Variants in ACTN4 observed in about 807,000 individuals in gnomAD.
ACTN4 encodes alpha-actinin-4.
ACTN4 carries 18 observed loss-of-function variants against 114.2 expected under a neutral mutation model. The ratio of observed to expected loss-of-function variants is 0.16; its 90% CI spans 0.11 to 0.23. The LOEUF (loss-of-function observed/expected upper bound fraction) is 0.23, where lower values mean the gene tolerates loss of function less well. ACTN4 is among the 10% of genes least tolerant of loss of function. The pLI is 1.00. For missense variants in ACTN4, 722 were observed against 1,262.9 expected, an observed-to-expected ratio of 0.57 and a Z score of 6.49; for synonymous variants, 515 against 506.3, an observed-to-expected ratio of 1.02 and a Z score of -0.23.
chr19:38,723,317 C>T (rs902753023), intron 12 of ACTN4, among the ~76,000 whole-genome samples: 3 of 152,174 alleles, frequency 2.0e-5, no homozygotes, highest in East Asian at 3.9e-4. Flanking sequence ...GGGCCACACT[C>T]TTAGCTGATA....
At chr19:38,704,443 C>G (rs3786845) in intron 3 of ACTN4, among the ~76,000 whole-genome samples, 59,927 of 152,136 alleles carry the variant, frequency 0.39, 12,658 homozygotes, top group Non-Finnish European at 0.47. Context: ...AGGAAGTGGA[C>G]AGATTCACAA....
Position 38,704,848 on chromosome 19 carries a change from G to GCTC in ACTN4, c.398-84_398-83insCCT, listed in dbSNP as rs142384229. The GCTC allele has an allele frequency of 1.1e-3, 1,386 of 1,255,836 alleles. 16 individuals are homozygous for GCTC. In the African/African-American group the frequency reaches 0.018, roughly 17 times the overall value. The allele number at this position is 1,255,836 out of a possible 1,614,324, so 77.8% of individuals were successfully genotyped here. A position where few individuals can be genotyped will look rare whatever the true frequency, so the allele number is the denominator to read the frequency against. ...GGTTTGGAGCCTTTCTCTAGATGGG[G>GCTC]CTGGAAGGCCACCTTCAGGTTGGGC... On this transcript the variant is annotated intron_variant, in intron 3 of 20. Coordinates refer to ENST00000252699, the MANE Select transcript of ACTN4 (RefSeq NM_004924.6).
rs774421189 is a variant in ACTN4, at chr19:38,724,871, G to A, written c.2010+306G>A. 6.6e-6 allele frequency among the ~76,000 whole-genome samples: 1 copy of A among 152,194 alleles called. No homozygotes were observed. The highest frequency in any genetic ancestry group is 2.4e-5 in the African/African-American group (1 of 41,450). On this transcript the variant is annotated intron_variant, in intron 16 of 20. Transcript: ENST00000252699. This position sits in a 1 kb window ranked among gnomAD's most constrained non-coding sequence, Gnocchi z 7.0. ...ATACAAAAATTAGCTGGGCATGATG[G>A]TGCGCAGCCCAAGGAGGTCGAGGCT... is the stretch of plus-strand genomic sequence containing the variant.
At chr19:38,668,682 C>T (rs1343995406) in intron 1 of ACTN4, among the ~76,000 whole-genome samples, 1 of 150,770 alleles carries the variant, frequency 6.6e-6, no homozygotes, top group Admixed American at 6.6e-5. Flanking sequence ...GAGACTCCAT[C>T]GCAAAAAAAG....
chr19:38,649,225 G>C (rs112281968), intron 1 of ACTN4, among the ~76,000 whole-genome samples: 231 of 144,864 alleles, frequency 1.6e-3, no homozygotes, highest in African/African-American at 5.6e-3. Context: ...GCAGTGAAAA[G>C]GTGATCAGAA....
chr19:38,673,528 CATATATACTTATATATATTT>C (rs1568689710), intron 1 of ACTN4, among the ~76,000 whole-genome samples: 28 of 63,204 alleles, frequency 4.4e-4, no homozygotes, highest in Admixed American at 5.3e-4. Context: ...TATATATATT[CATATATACTTATATATATTT>C]ATATATACTT....
intron 1 of ACTN4, among the ~76,000 whole-genome samples, chr19:38,656,100 C>A (rs978548049): frequency 6.6e-6 from 1 of 151,994 alleles, no homozygotes; most frequent in Non-Finnish European, 1.5e-5. Flanking sequence ...TTTTTTCTTT[C>A]TTCGTTTTTC....
intron 1 of ACTN4, among the ~76,000 whole-genome samples, chr19:38,698,353 C>T (rs1296265352): frequency 3.3e-5 from 5 of 152,126 alleles, no homozygotes; most frequent in Admixed American, 3.3e-4. Flanking sequence ...AGCATGGTTC[C>T]CGCCCTGGGC....
chr19:38,697,308 T>A (rs1034764251), intron 1 of ACTN4, among the ~76,000 whole-genome samples: 1 of 152,176 alleles, frequency 6.6e-6, no homozygotes, highest in African/African-American at 2.4e-5. Flanking sequence ...CAGTGGGTGG[T>A]CTGAGAGCCT....
chr19:38,673,651 ATATTTATATAT>A lies in ACTN4; in HGVS notation c.162+25745_162+25755del, dbSNP rs1354796374. On this transcript the variant is annotated intron_variant, in intron 1 of 20. Coordinates refer to ENST00000252699, the MANE Select transcript of ACTN4 (RefSeq NM_004924.6). Reference sequence around the variant, plus strand: ...TTCATATATATTTATATATATTTATATATTTATATATATTATATATATTTATATATTTATAT... The same window carrying A: ...TTCATATATATTTATATATATTTATAATTATATATATTTATATATTTATAT... 3.5e-4 allele frequency among the ~76,000 whole-genome samples: 28 copies of A among 79,234 alleles called. 2 individuals are homozygous for A. The East Asian group carries it at 0.01, about 29-fold the overall frequency. The allele number at this position is 79,234 out of a possible 152,430, so 52.0% of individuals were successfully genotyped here.
At chr19:38,656,491 A>G (rs920374434) in intron 1 of ACTN4, among the ~76,000 whole-genome samples, 1 of 152,240 alleles carries the variant, frequency 6.6e-6, no homozygotes, top group African/African-American at 2.4e-5. Flanking sequence ...AAAGGAAAGC[A>G]GTGCCCTCCT....
In ACTN4 at chr19:38,647,789, C is replaced by G; in HGVS notation, c.44C>G (p.Pro15Arg). The change falls in exon 1 of 21, where the codon CCC (proline) becomes CGC (arginine). Residue 15 changes from proline (P) to arginine (R), a missense_variant. Pro to Arg is a moderately radical substitution (Grantham distance 103). This residue lies in a region of ACTN4 where 72 missense variants were observed against 75.6 expected (regional missense o/e 0.95). Transcript: ENST00000252699. ...GCGAACCAGTCGTACCAGTACGGCC[C>G]CAGCAGCGCGGGCAATGGCGCTGGC... is the stretch of plus-strand genomic sequence containing the variant. ...HAANQSYQYG[P>R]SSAGNGAGGG... is the part of the protein sequence containing the mutation. 1 of 1,555,600 alleles carries G rather than the reference C, an allele frequency of 6.4e-7. No individual in the cohort carries two copies. The highest frequency in any genetic ancestry group is 1.2e-5 in the South Asian group (1 of 84,522).
Position 38,647,654 on chromosome 19 carries a change from A to AAGCG in ACTN4, c.-92_-91insAGCG. 8 of 1,455,600 alleles carry AAGCG rather than the reference A, an allele frequency of 5.5e-6. No individual in the cohort carries two copies. The highest frequency in any genetic ancestry group is 7.3e-6 in the Non-Finnish European group (8 of 1,099,724). 90.2% of individuals were successfully genotyped at this position (1,455,600 alleles called of 1,614,324 possible). A position where few individuals can be genotyped will look rare whatever the true frequency, so the allele number is the denominator to read the frequency against. ...GCGCGGGCGGAGGGCGGGCTGAAGCAGCTGAAGCGGCGGTAGCGGCGGCGG... is the reference window on the plus strand; with the variant it reads ...GCGCGGGCGGAGGGCGGGCTGAAGCAAGCGGCTGAAGCGGCGGTAGCGGCGGCGG... On this transcript the variant is annotated 5_prime_UTR_variant, in exon 1 of 21. Coordinates refer to ENST00000252699, the MANE Select transcript of ACTN4 (RefSeq NM_004924.6).
intron 1 of ACTN4, among the ~76,000 whole-genome samples, chr19:38,688,486 G>A (rs963455595): frequency 3.3e-5 from 5 of 150,950 alleles, no homozygotes; most frequent in African/African-American, 9.8e-5. Flanking sequence ...TGGGAGAATC[G>A]CTTGAACCTG....
intron 9 of ACTN4, among the ~76,000 whole-genome samples, chr19:38,715,374 G>A (rs1599843605): frequency 6.6e-6 from 1 of 152,284 alleles, no homozygotes; most frequent in Non-Finnish European, 1.5e-5. Flanking sequence ...GCACACACCT[G>A]TAGTCCCAGC....
intron 5 of ACTN4, 55 bp from the exon 6 acceptor site, chr19:38,708,062 G>T (rs1968518985): frequency 1.3e-6 from 2 of 1,559,568 alleles, no homozygotes; most frequent in Non-Finnish European, 1.8e-6. Flanking sequence ...GGGCCATACG[G>T]CACTCTCATG....
chr19:38,706,393 G>A (rs1968460751), intron 5 of ACTN4, among the ~76,000 whole-genome samples: 1 of 152,158 alleles, frequency 6.6e-6, no homozygotes, highest in South Asian at 2.1e-4. Flanking sequence ...TCGTCCCCAG[G>A]CAAGGTGACT....
chr19:38,663,873 G>T (rs1357088145), intron 1 of ACTN4, among the ~76,000 whole-genome samples: 1 of 152,156 alleles, frequency 6.6e-6, no homozygotes, highest in East Asian at 1.9e-4. Flanking sequence ...GGTGGGAGGG[G>T]GTGCCTTCTG....
chr19:38,669,140 C>T (rs906742234), intron 1 of ACTN4, among the ~76,000 whole-genome samples: 1 of 152,208 alleles, frequency 6.6e-6, no homozygotes, highest in African/African-American at 2.4e-5. Context: ...ACGCCTGCCA[C>T]CGTGCCCAGC....
Sources: gnomAD v4.1 joint callset for allele counts (sites outside exome capture counted in the v4.1 genomes callset) on GRCh38, gnomAD v4.1.1 for gene constraint, gnomAD v4.1.1 regional missense constraint, Gnocchi (gnomAD v3.1) non-coding constraint, MANE v1.5 for transcripts, NCBI Gene and HGNC (gene_info 2026-07-23, HGNC 2026-07-21) for gene names.